Variants in PHEX observed in about 807,000 individuals in gnomAD.
PHEX encodes the protein phosphate-regulating neutral endopeptidase PHEX.
In PHEX, 16 loss-of-function variants were observed where a neutral mutation model predicts 68.0. The ratio of observed to expected loss-of-function variants is 0.24; its 90% CI spans 0.16 to 0.36. PHEX has a LOEUF of 0.36. PHEX is among the 10% of genes least tolerant of loss of function. The probability of loss-of-function intolerance (pLI) is 1.00; values close to 1 mark genes in which losing one functional copy is unlikely to be tolerated. For synonymous variants in PHEX, 208 were observed against 205.1 expected (o/e 1.01, Z -0.12); for missense variants, 480 against 575.5 (o/e 0.83, Z 1.70).
chrX:22,097,776 G>GTT, intron 8 of PHEX: 7 of 651,307 alleles, frequency 1.1e-5, no homozygotes, highest in Non-Finnish European at 1.3e-5. Context: ...GTTTTTATTT[G>GTT]TTTTTTTTTG....
rs898778604 is a variant in PHEX at position 22,128,278 on chromosome X, G to C, written c.1303-5245G>C. Among the ~76,000 whole-genome samples, 3 of 109,079 alleles carry C rather than the reference G, an allele frequency of 2.8e-5. No homozygotes were observed. In the South Asian group the frequency reaches 1.2e-3, roughly 44 times the overall value. The allele number at this position is 109,079 out of a possible 115,157, so 94.7% of individuals were successfully genotyped here. ...GGGTTTCACCATGTTGGTCAGGCTG[G>C]TCTTGAACTCCAGACCTCAGGTGAT... On this transcript the variant is annotated intron_variant, in intron 11 of 21. Transcript: ENST00000379374.
intron 3 of PHEX, among the ~76,000 whole-genome samples, chrX:22,068,475 G>A (rs1418004709): frequency 1.8e-5 from 2 of 111,959 alleles, no homozygotes; most frequent in African/African-American, 6.5e-5. Flanking sequence ...AGCCACTGGG[G>A]GCCCATTCTC....
chrX:22,153,172 A>G (rs944240027), intron 12 of PHEX, among the ~76,000 whole-genome samples: 1 of 110,650 alleles, frequency 9.0e-6, no homozygotes. Flanking sequence ...ATTTTTTTGT[A>G]AAGATGGTGT....
Position 22,226,472 on chromosome X carries a change from T to C in PHEX, c.1929T>C (p.Asn643=). The C allele has an allele frequency of 8.3e-7, 1 of 1,205,965 alleles. No homozygotes were observed. The highest frequency in any genetic ancestry group is 2.2e-5 in the Admixed American group (1 of 45,633). The part of the protein sequence containing the change: ...NVKGKRTLGE[N]IADNGGLREA... ...AGGGGAAGAGGACCCTGGGAGAAAATATTGCTGATAATGGAGGCCTGCGGG... is the reference window on the plus strand; with the variant it reads ...AGGGGAAGAGGACCCTGGGAGAAAACATTGCTGATAATGGAGGCCTGCGGG... The change falls in exon 19 of 22, where the codon AAT becomes AAC. Residue 643 remains asparagine (N), a synonymous_variant. Transcript: ENST00000379374.
chrX:22,043,973 C>T (rs1374018605), intron 2 of PHEX, among the ~76,000 whole-genome samples: 1 of 111,544 alleles, frequency 9.0e-6, no homozygotes, highest in African/African-American at 3.3e-5. Flanking sequence ...GAAAGTGCAG[C>T]CCTGTGCCCC....
intron 12 of PHEX, among the ~76,000 whole-genome samples, chrX:22,143,983 G>A (rs1932573099): frequency 9.0e-6 from 1 of 111,328 alleles, no homozygotes; most frequent in African/African-American, 3.3e-5. Context: ...ACCTAATGTG[G>A]ATCTGACACT....
intron 2 of PHEX, among the ~76,000 whole-genome samples, chrX:22,039,433 A>G (rs963531465): frequency 1.8e-5 from 2 of 112,362 alleles, no homozygotes; most frequent in African/African-American, 6.5e-5. Flanking sequence ...CCCCAAAAGC[A>G]GCAACAGGGA....
intron 12 of PHEX, among the ~76,000 whole-genome samples, chrX:22,164,269 G>GA (rs1165943553): frequency 1.8e-5 from 2 of 111,532 alleles, no homozygotes; most frequent in Admixed American, 9.5e-5. Flanking sequence ...GTCTGTGGCA[G>GA]AAAAAAACAT....
chrX:22,105,291 A>T lies in PHEX; in HGVS notation c.1079+6140A>T, dbSNP rs780163141. 2.4e-3 allele frequency among the ~76,000 whole-genome samples: 267 copies of T among 112,504 alleles called. 3 individuals carry two copies. Among genetic ancestry groups the T allele is most frequent in the African/African-American group, 8.3e-3 (259 of 31,022 alleles). Reference sequence around the variant, plus strand: ...TGTGGGATTTAGGAAGTCCTAGTTGAGCTGTGTGTGCAGAACGATGCGGAG... The same window carrying T: ...TGTGGGATTTAGGAAGTCCTAGTTGTGCTGTGTGTGCAGAACGATGCGGAG... On this transcript the variant is annotated intron_variant, in intron 9 of 21. Transcript: ENST00000379374.
chrX:22,106,254 T>A (rs1390298572), intron 9 of PHEX, among the ~76,000 whole-genome samples: 1 of 111,668 alleles, frequency 9.0e-6, no homozygotes, highest in Non-Finnish European at 1.9e-5. Flanking sequence ...TCTGTCAGTG[T>A]ATTTATAACA....
chrX:22,244,348 G>A (rs759865109), intron 20 of PHEX, among the ~76,000 whole-genome samples: 1 of 110,521 alleles, frequency 9.0e-6, no homozygotes, highest in Non-Finnish European at 1.9e-5. Flanking sequence ...ACGGGTTGAC[G>A]GGTCCAGTAA....
At chrX:22,212,734 A>G (rs771483779) in intron 15 of PHEX, among the ~76,000 whole-genome samples, 170 bp from the exon 16 acceptor site, 32 of 111,880 alleles carry the variant, frequency 2.9e-4, no homozygotes, top group Non-Finnish European at 3.0e-4. Context: ...ACTTATTTCA[A>G]ACTCAGTTGA....
At chrX:22,238,892 C>T (rs1428371192) in intron 20 of PHEX, among the ~76,000 whole-genome samples, 1 of 111,963 alleles carries the variant, frequency 8.9e-6, no homozygotes, top group South Asian at 3.8e-4. Flanking sequence ...GTCAGACTGC[C>T]TCCTCAAGTG....
intron 12 of PHEX, among the ~76,000 whole-genome samples, chrX:22,160,549 CAAAAA>C (rs35287011): frequency 1.5e-5 from 1 of 68,739 alleles, no homozygotes; most frequent in Non-Finnish European, 2.8e-5. Context: ...AACTCCGTCT[CAAAAA>C]AAAAAAAAAA....
chrX:22,060,571 T>C, intron 3 of PHEX, among the ~76,000 whole-genome samples: 1 of 111,938 alleles, frequency 8.9e-6, no homozygotes, highest in Non-Finnish European at 1.9e-5. Flanking sequence ...CAAAATGCTA[T>C]GCATGGGAAT....
chrX:22,189,016 G>A (rs1240889240), intron 14 of PHEX, among the ~76,000 whole-genome samples: 1 of 112,485 alleles, frequency 8.9e-6, no homozygotes, highest in Non-Finnish European at 1.9e-5. Context: ...TCACAAATAC[G>A]TGAGAACATG....
intron 12 of PHEX, among the ~76,000 whole-genome samples, chrX:22,165,508 G>A (rs774790633): frequency 4.5e-5 from 5 of 111,334 alleles, no homozygotes; most frequent in South Asian, 3.8e-4. Context: ...AGGCGGAGGC[G>A]GAGGTGCAGG....
At chrX:22,193,140 T>A (rs934159408) in intron 15 of PHEX, among the ~76,000 whole-genome samples, 20 of 111,170 alleles carry the variant, frequency 1.8e-4, no homozygotes, top group African/African-American at 6.2e-4. Flanking sequence ...TGGGAACTTA[T>A]GATATTTGAG....
intron 6 of PHEX, among the ~76,000 whole-genome samples, chrX:22,093,315 G>A (rs1395089501): frequency 1.8e-5 from 2 of 111,817 alleles, no homozygotes; most frequent in African/African-American, 6.5e-5. Flanking sequence ...GGTCACCCCT[G>A]CCCCACCCAA....
Sources: gnomAD v4.1 joint callset for allele counts (sites outside exome capture counted in the v4.1 genomes callset) on GRCh38, gnomAD v4.1.1 for gene constraint, MANE v1.5 for transcripts, NCBI Gene and HGNC (gene_info 2026-07-23, HGNC 2026-07-21) for gene names.